The following GUSB variants were observed in gnomAD, a reference collection of about 807,000 sequenced individuals.
The protein encoded by GUSB is beta-glucuronidase.
GUSB carries 51 observed loss-of-function variants against 74.6 expected under a neutral mutation model. The ratio of observed to expected loss-of-function variants is 0.68; its 90% CI spans 0.55 to 0.86. The LOEUF is 0.86. GUSB is among the 40% of genes least tolerant of loss of function. GUSB has a pLI of 0.00. For synonymous variants in GUSB, 360 were observed against 348.3 expected, an observed-to-expected ratio of 1.03 and a Z score of -0.37; for missense variants, 736 against 853.7, an observed-to-expected ratio of 0.86 and a Z score of 1.72.
Position 65,982,128 on chromosome 7 carries a change from C to A in GUSB, c.56G>T (p.Cys19Phe). ...CATCCCGCCCTGCAGCCCCAGCGCGCAGCCCCACAACAACGGCCCGAGCGC... is the reference window on the plus strand; with the variant it reads ...CATCCCGCCCTGCAGCCCCAGCGCGAAGCCCCACAACAACGGCCCGAGCGC... ...WAALGPLLWG[C>F]ALGLQGGMLY... Residue 19 changes from cysteine (C) to phenylalanine (F), a missense_variant, in exon 1 of 12, where the codon TGC becomes TTC. Transcript: ENST00000304895. 6.4e-7 allele frequency: 1 copy of A among 1,567,972 alleles called. No homozygotes were observed. The highest frequency in any genetic ancestry group is 1.4e-5 in the African/African-American group (1 of 72,218).
At chr7:65,981,235 T>G (rs1791995240) in intron 1 of GUSB, among the ~76,000 whole-genome samples, 4 of 144,750 alleles carry the variant, frequency 2.8e-5, no homozygotes, top group Admixed American at 2.8e-4. Context: ...TTTTTGCCTT[T>G]TTTTTTTTTT....
At chr7:65,979,633 C>A in intron 3 of GUSB, 92 bp from the exon 4 acceptor site, 1 of 1,595,742 alleles carries the variant, frequency 6.3e-7, no homozygotes, top group South Asian at 1.1e-5. Flanking sequence ...GATCCAAGGC[C>A]TCCACTCTGT....
Position 65,981,961 on chromosome 7 carries a change from C to T in GUSB, c.210+13G>A, listed in dbSNP as rs1040637134. On this transcript the variant is annotated intron_variant, in intron 1 of 11. Coordinates refer to ENST00000304895, the MANE Select transcript of GUSB (RefSeq NM_000181.4). ...GCTTTCGGGCGCCTCCCGGCCCTGC[C>T]CCGAGATCGCACCTCCCACAGCGGC... 3.1e-5 allele frequency: 50 copies of T among 1,601,822 alleles called. No individual in the cohort carries two copies. Among genetic ancestry groups the T allele is most frequent in the Non-Finnish European group, 4.1e-5 (48 of 1,176,932 alleles).
intron 8 of GUSB, among the ~76,000 whole-genome samples, chr7:65,972,266 A>G (rs941560320): frequency 1.3e-5 from 2 of 151,708 alleles, no homozygotes; most frequent in Admixed American, 6.6e-5. Flanking sequence ...GGCTCAAGCA[A>G]TTCTCCTGCC....
Position 65,960,752 on chromosome 7 carries a change from T to C in GUSB, c.*145A>G, listed in dbSNP as rs1790428522. 7 of 728,744 alleles carry C rather than the reference T, an allele frequency of 9.6e-6. No homozygotes were observed. The highest frequency in any genetic ancestry group is 3.8e-4 in the Middle Eastern group (1 of 2,630). The allele number at this position is 728,744 out of a possible 1,614,324, so 45.1% of individuals were successfully genotyped here. ...GAAAATCTTTTATTTCCACCTTTAG[T>C]GTTCCCTGCTAGAATAGATGACCAC... is the stretch of plus-strand genomic sequence containing the variant. On this transcript the variant is annotated 3_prime_UTR_variant, in exon 12 of 12. Transcript: ENST00000304895.
intron 5 of GUSB, 86 bp downstream of exon 5, chr7:65,975,929 T>C: frequency 9.8e-7 from 1 of 1,019,540 alleles, no homozygotes; most frequent in Non-Finnish European, 1.5e-6. Context: ...TGCCTGCCCA[T>C]CCACCTGTCT....
intron 11 of GUSB, 105 bp from the exon 12 acceptor site, chr7:65,961,168 T>A: frequency 1.8e-6 from 2 of 1,131,472 alleles, no homozygotes; most frequent in South Asian, 2.6e-5. Context: ...ATGTCTTTTT[T>A]TTTCTTTTTT....
chr7:65,975,974 G>A, intron 5 of GUSB, 41 bp downstream of exon 5: 1 of 1,567,792 alleles, frequency 6.4e-7, no homozygotes, highest in East Asian at 2.2e-5. Flanking sequence ...ACCACATGGG[G>A]GCAAAAGACC....
chr7:65,968,260 G>A (rs903435754), intron 9 of GUSB, among the ~76,000 whole-genome samples: 6 of 150,800 alleles, frequency 4.0e-5, no homozygotes, highest in Admixed American at 2.7e-4. Context: ...AACCTAGAAC[G>A]GGAACAGCTG....
In GUSB at chr7:65,974,346, G is replaced by A; in HGVS notation, c.1340C>T (p.Ser447Phe). ...GTGGGACGCAGGCTCGTTGGCCACA[G>A]ACCACATCACGACCGCGGGGTGGTT... ...DKNHPAVVMW[S>F]VANEPASHLE... Residue 447 changes from serine (S) to phenylalanine (F), a missense_variant, in exon 8 of 12, where the codon TCT (serine) becomes TTT (phenylalanine). Physicochemically the swap from Ser to Phe is radical, Grantham distance 155. Around this residue, in one of 2 missense-constraint regions of GUSB, gnomAD observed 368 missense variants for 489.9 expected, o/e 0.75. Transcript: ENST00000304895. 1 of 1,614,154 alleles carries A rather than the reference G, an allele frequency of 6.2e-7. No individual in the cohort carries two copies. The highest frequency in any genetic ancestry group is 8.5e-7 in the Non-Finnish European group (1 of 1,180,008).
At chr7:65,973,588 A>G (rs1395828900) in intron 8 of GUSB, among the ~76,000 whole-genome samples, 1 of 151,592 alleles carries the variant, frequency 6.6e-6, no homozygotes, top group African/African-American at 2.4e-5. Context: ...TCCATCTCAT[A>G]AAAAGGAAAA....
chr7:65,967,026 C>G (rs1562674415), intron 10 of GUSB, among the ~76,000 whole-genome samples: 2 of 152,116 alleles, frequency 1.3e-5, no homozygotes, highest in Non-Finnish European at 2.9e-5. Context: ...CAAGCGAGGG[C>G]AGTGGAAACA....
chr7:65,964,771 C>T (rs558214758), intron 10 of GUSB, among the ~76,000 whole-genome samples: 1 of 152,234 alleles, frequency 6.6e-6, no homozygotes, highest in East Asian at 1.9e-4. Flanking sequence ...ACACTACAGG[C>T]AAAAATATGT....
intron 4 of GUSB, among the ~76,000 whole-genome samples, chr7:65,977,209 C>T (rs993369877): frequency 5.9e-5 from 9 of 152,200 alleles, no homozygotes; most frequent in African/African-American, 1.7e-4. Context: ...GGGGGTGTCA[C>T]TCTGTCACCT....
chr7:65,961,894 C>T (rs1319163806), intron 11 of GUSB, among the ~76,000 whole-genome samples: 2 of 151,794 alleles, frequency 1.3e-5, no homozygotes, highest in Non-Finnish European at 2.9e-5. Flanking sequence ...CCCAGCTACT[C>T]AGGAGGCTGG....
intron 6 of GUSB, 46 bp from the exon 7 acceptor site, chr7:65,974,750 C>T (rs760054076): frequency 1.2e-6 from 2 of 1,604,362 alleles, no homozygotes; most frequent in Non-Finnish European, 1.7e-6. Context: ...GTCGAAGCTG[C>T]ACTTCCTCTG....
In GUSB at chr7:65,978,810, G is replaced by A. The variant is rs982216281; in HGVS notation, c.724+589C>T. On this transcript the variant is annotated intron_variant, in intron 4 of 11. Transcript: ENST00000304895. Reference sequence around the variant, plus strand: ...AGAAAAAAAGAAAGACAGGGTCTGCGTCTGTTGCCCAGACCAGAGTGCAGT... The same window carrying A: ...AGAAAAAAAGAAAGACAGGGTCTGCATCTGTTGCCCAGACCAGAGTGCAGT... Among the ~76,000 whole-genome samples, 4 of 152,042 alleles carry A rather than the reference G, an allele frequency of 2.6e-5. No homozygotes were observed. The South Asian group carries it at 6.2e-4, about 24-fold the overall frequency.
At chr7:65,970,822 G>T (rs543290333) in intron 8 of GUSB, among the ~76,000 whole-genome samples, 2 of 152,038 alleles carry the variant, frequency 1.3e-5, no homozygotes, top group South Asian at 2.1e-4. Context: ...CCAGAAGGAG[G>T]AGTCTGCAGT....
intron 9 of GUSB, among the ~76,000 whole-genome samples, chr7:65,969,956 C>G (rs1791085074): frequency 6.6e-6 from 1 of 152,182 alleles, no homozygotes; most frequent in Non-Finnish European, 1.5e-5. Context: ...GAAAGCCACA[C>G]TGCCTGGCGA....
Sources: allele counts gnomAD v4.1 joint callset (sites outside exome capture counted in the v4.1 genomes callset), GRCh38; gene constraint gnomAD v4.1.1; regional missense constraint gnomAD v4.1.1; transcripts MANE v1.5; gene names NCBI Gene and HGNC (gene_info 2026-07-23, HGNC 2026-07-21).